Variants in KLHL1 observed in about 807,000 individuals in gnomAD.
The protein encoded by KLHL1 is kelch-like protein 1.
Under a neutral mutation model 77.7 loss-of-function variants are expected in KLHL1, and 47 were observed. The ratio of observed to expected loss-of-function variants is 0.60; its 90% confidence interval spans 0.48 to 0.77. The LOEUF is 0.77. Among genes scored for constraint, KLHL1 ranks in the 30% least tolerant of loss-of-function variants. KLHL1 has a pLI of 0.00. For missense variants in KLHL1, 925 were observed against 910.8 expected (o/e 1.02, Z -0.20); for synonymous variants, 360 against 325.2 (o/e 1.11, Z -1.15).
intron 1 of KLHL1, among the ~76,000 whole-genome samples, chr13:70,057,708 G>A (rs1172851987): frequency 1.4e-5 from 2 of 145,580 alleles, no homozygotes; most frequent in Non-Finnish European, 3.0e-5. Context: ...CCCGGGAAGC[G>A]GAGCTTGCAG....
intron 4 of KLHL1, among the ~76,000 whole-genome samples, chr13:69,939,331 A>G (rs1166088660): frequency 1.2e-5 from 1 of 84,326 alleles, no homozygotes; most frequent in African/African-American, 5.1e-5. Context: ...ATATATATAC[A>G]TATACATACA....
At chr13:69,830,178 C>T (rs1031307930) in intron 6 of KLHL1, among the ~76,000 whole-genome samples, 2 of 150,138 alleles carry the variant, frequency 1.3e-5, no homozygotes, top group Non-Finnish European at 3.0e-5. Flanking sequence ...AATTCACCAA[C>T]CAAGTATCTG....
intron 5 of KLHL1, among the ~76,000 whole-genome samples, chr13:69,862,304 G>A (rs1213134046): frequency 6.6e-6 from 1 of 152,030 alleles, no homozygotes; most frequent in African/African-American, 2.4e-5. Flanking sequence ...AAGAGAGAGA[G>A]AGAGAGAGAA....
chr13:69,770,647 T>G (rs1875519779), intron 7 of KLHL1, among the ~76,000 whole-genome samples: 2 of 152,216 alleles, frequency 1.3e-5, no homozygotes, highest in African/African-American at 4.8e-5. Context: ...ACATTAATCT[T>G]TCTATTGTGG....
chr13:69,955,258 T>C (rs571655294), intron 3 of KLHL1, among the ~76,000 whole-genome samples: 1 of 151,400 alleles, frequency 6.6e-6, no homozygotes, highest in Non-Finnish European at 1.5e-5. Flanking sequence ...AGCAGGACAT[T>C]AAACATCTCA....
intron 2 of KLHL1, among the ~76,000 whole-genome samples, chr13:69,963,961 A>G (rs75833012): frequency 0.084 from 12,788 of 152,212 alleles, 608 homozygotes; most frequent in Non-Finnish European, 0.11. Flanking sequence ...TACACATGAC[A>G]TAGAATTCTA....
Position 69,719,441 on chromosome 13 carries a change from A to C in KLHL1, c.1943T>G (p.Phe648Cys), listed in dbSNP as rs764429311. The C allele has an allele frequency of 3.7e-6, 6 of 1,613,632 alleles. No individual in the cohort carries two copies. Among genetic ancestry groups the C allele is most frequent in the Non-Finnish European group, 4.2e-6 (5 of 1,179,772 alleles). Residue 648 changes from phenylalanine (F) to cysteine (C), a missense_variant, in exon 9 of 11, where the codon TTT (phenylalanine) becomes TGT (cysteine). Transcript: ENST00000377844. ...ATCATGACCTCCTACTGCATAAAGA[A>C]AACCGTCACATGTGGCCACTCCGAC... ...GGVGVATCDG[F>C]LYAVGGHDAP... is the part of the protein sequence containing the mutation.
At chr13:69,792,108 C>G (rs891804354) in intron 7 of KLHL1, among the ~76,000 whole-genome samples, 2 of 151,960 alleles carry the variant, frequency 1.3e-5, no homozygotes, top group African/African-American at 2.4e-5. Flanking sequence ...ACATGTACTC[C>G]AGAACTTAAA....
rs778467338 is a variant in KLHL1 at position 69,877,834 on chromosome 13, CCT to C, written c.1227+4447_1227+4448del. On this transcript the variant is annotated intron_variant, in intron 5 of 10. Coordinates refer to ENST00000377844, the MANE Select transcript of KLHL1 (RefSeq NM_020866.3). ...CACTGCTCTTATCTGAAATCCATAT[CCT>C]CTGTTATATTTTCTACACCAAATTA... is the stretch of plus-strand genomic sequence containing the variant. 7.2e-5 allele frequency among the ~76,000 whole-genome samples: 11 copies of C among 152,160 alleles called. No individual in the cohort carries two copies. The East Asian group carries it at 1.2e-3, about 16-fold the overall frequency.
At chr13:69,898,281 T>C (rs572761550) in intron 4 of KLHL1, among the ~76,000 whole-genome samples, 1 of 152,284 alleles carries the variant, frequency 6.6e-6, no homozygotes, top group Non-Finnish European at 1.5e-5. Context: ...CTGCAAACTT[T>C]TACATGGACC....
chr13:69,746,343 T>A (rs1278384711), intron 7 of KLHL1, among the ~76,000 whole-genome samples: 1 of 149,986 alleles, frequency 6.7e-6, no homozygotes, highest in African/African-American at 2.5e-5. Flanking sequence ...ATATTTGGCA[T>A]TTAAAATTCT....
At position 69,790,248 on chromosome 13, in the gene KLHL1, T is replaced by C. The variant is rs924094851; in HGVS notation, c.1639+6490A>G. 5.3e-5 allele frequency among the ~76,000 whole-genome samples: 8 copies of C among 149,690 alleles called. 1 individual carries two copies. The East Asian group carries it at 1.2e-3, about 22-fold the overall frequency. ...AATAATAAGAACACTGGCAAAAAAA[T>C]ATTAAACTCTGGAAACTAAAAATAA... On this transcript the variant is annotated intron_variant, in intron 7 of 10. Coordinates refer to ENST00000377844, the MANE Select transcript of KLHL1 (RefSeq NM_020866.3).
At chr13:70,050,149 A>C (rs1160712008) in intron 1 of KLHL1, among the ~76,000 whole-genome samples, 1 of 151,948 alleles carries the variant, frequency 6.6e-6, no homozygotes, top group Non-Finnish European at 1.5e-5. Context: ...TATAATATTC[A>C]TATTAGTAAT....
At chr13:69,877,253 A>T (rs1203467159) in intron 5 of KLHL1, among the ~76,000 whole-genome samples, 2 of 152,186 alleles carry the variant, frequency 1.3e-5, no homozygotes, top group Non-Finnish European at 2.9e-5. Flanking sequence ...TCTGATACTT[A>T]TGGGTATTTT....
intron 5 of KLHL1, among the ~76,000 whole-genome samples, chr13:69,858,987 C>T (rs34484817): frequency 0.32 from 48,018 of 151,596 alleles, 8,042 homozygotes; most frequent in African/African-American, 0.44. Flanking sequence ...TATTCATATA[C>T]GTGTCCATCC....
chr13:69,832,763 A>G (rs543848582), intron 6 of KLHL1, among the ~76,000 whole-genome samples: 10 of 152,254 alleles, frequency 6.6e-5, no homozygotes, highest in African/African-American at 2.4e-4. Context: ...ATAGGCACAC[A>G]GACAAATAGA....
intron 5 of KLHL1, among the ~76,000 whole-genome samples, chr13:69,856,607 T>C (rs747734354): frequency 6.6e-6 from 1 of 152,030 alleles, no homozygotes; most frequent in Non-Finnish European, 1.5e-5. Flanking sequence ...ATTCCAAACA[T>C]TTTGCTCATC....
chr13:69,969,929 C>A (rs906565248), intron 2 of KLHL1, among the ~76,000 whole-genome samples: 2 of 10,762 alleles, frequency 1.9e-4, no homozygotes, highest in Non-Finnish European at 3.8e-4. Context: ...TCCTTCAAAT[C>A]GATTAAACTT....
intron 1 of KLHL1, among the ~76,000 whole-genome samples, chr13:70,104,426 T>C (rs17086366): frequency 0.11 from 16,962 of 152,114 alleles, 1,384 homozygotes; most frequent in East Asian, 0.32. Context: ...TTTCCAGAAT[T>C]CTGAGATTGT....
Sources: gnomAD v4.1 joint callset for allele counts (sites outside exome capture counted in the v4.1 genomes callset) on GRCh38, gnomAD v4.1.1 for gene constraint, MANE v1.5 for transcripts, NCBI Gene and HGNC (gene_info 2026-07-23, HGNC 2026-07-21) for gene names.